FSBP: variants seen among roughly 807,000 people sequenced by gnomAD.
FSBP encodes fibrinogen silencer-binding protein.
FSBP carries 18 observed loss-of-function variants against 24.6 expected under a neutral mutation model. The observed-to-expected ratio is 0.73, with a 90% CI of 0.51 to 1.08. The LOEUF is 1.08. Ranked by LOEUF, FSBP falls within the 50% of genes least tolerant of loss-of-function variation. The pLI is 0.00. For missense variants in FSBP, 305 were observed against 347.6 expected (o/e 0.88, Z 0.98); for synonymous variants, 110 against 125.8 (o/e 0.87, Z 0.84).
chr8:94,431,888 G>A lies in FSBP; in HGVS notation c.*243C>T. ...TAGTGATCAGAATAAAATATCTTTT[G>A]TAAGGTCAACAATTAAACTTAGGGA... On this transcript the variant is annotated 3_prime_UTR_variant, in exon 2 of 2. Transcript: ENST00000481490. The A allele has an allele frequency of 8.5e-7, 1 of 1,170,758 alleles. No individual in the cohort carries two copies. The highest frequency in any genetic ancestry group is 1.1e-6 in the Non-Finnish European group (1 of 939,558). The allele number at this position is 1,170,758 out of a possible 1,614,324, so 72.5% of individuals were successfully genotyped here.
Position 94,436,933 on chromosome 8 carries a change from CTT to C in FSBP, c.-67_-66del, listed in dbSNP as rs1284754747. On this transcript the variant is annotated 5_prime_UTR_variant, in exon 1 of 2. Transcript: ENST00000481490. Reference sequence around the variant, plus strand: ...ATGCAGCCTTCAGCTCTGCTCAGCTCTTTTCACAAACAGAAAAAGATCAGGCT... The same window carrying C: ...ATGCAGCCTTCAGCTCTGCTCAGCTCTTCACAAACAGAAAAAGATCAGGCT... The C allele has an allele frequency of 2.1e-6, 3 of 1,455,704 alleles. No homozygotes were observed. The highest frequency in any genetic ancestry group is 2.7e-6 in the Non-Finnish European group (3 of 1,106,876). 90.2% of individuals were successfully genotyped at this position (1,455,704 alleles called of 1,614,324 possible).
rs1286297042 is a variant in FSBP, at chr8:94,432,010, T to C, written c.*121A>G. ...TAATTAGAAAATTATATCTAAAAAG[T>C]TTTTCCATAATAGAGATTAACAACA... is the stretch of plus-strand genomic sequence containing the variant. On this transcript the variant is annotated 3_prime_UTR_variant, in exon 2 of 2. Transcript: ENST00000481490. The C allele has an allele frequency of 2.3e-6, 3 of 1,313,558 alleles. No individual in the cohort carries two copies. The highest frequency in any genetic ancestry group is 1.5e-5 in the African/African-American group (1 of 65,868). 81.4% of individuals were successfully genotyped at this position (1,313,558 alleles called of 1,614,324 possible).
chr8:94,430,907 A>C lies in FSBP; in HGVS notation c.*1224T>G. ...ACTCTCTCTACATTCACTTAAAATC[A>C]ATGGCTTAGCACTGCATTTGTGCTT... On this transcript the variant is annotated 3_prime_UTR_variant, in exon 2 of 2. Coordinates refer to ENST00000481490, the MANE Select transcript of FSBP (RefSeq NM_001256141.2). The C allele has an allele frequency of 1.0e-6, 1 of 985,358 alleles. No individual in the cohort carries two copies. Among genetic ancestry groups the C allele is most frequent in the Non-Finnish European group, 1.2e-6 (1 of 829,916 alleles). The allele number at this position is 985,358 out of a possible 1,614,324, so 61.0% of individuals were successfully genotyped here. A position where few individuals can be genotyped will look rare whatever the true frequency, so the allele number is the denominator to read the frequency against.
intron 1 of FSBP, among the ~76,000 whole-genome samples, chr8:94,433,700 T>G (rs1464474448): frequency 6.6e-6 from 1 of 151,824 alleles, no homozygotes; most frequent in Non-Finnish European, 1.5e-5. Context: ...CTCCTTGAGG[T>G]TGTTTTTTTT....
chr8:94,432,705 A>C lies in FSBP; in HGVS notation c.375-49T>G, dbSNP rs147698302. On this transcript the variant is annotated intron_variant, in intron 1 of 1. Transcript: ENST00000481490. The stretch of plus-strand genomic sequence containing the variant: ...TAATATGTAAATCAAATGAAGAAAA[A>C]GTGTATATTTATAGCATAATTTTAA... 3.3e-5 allele frequency: 47 copies of C among 1,411,096 alleles called. No individual in the cohort carries two copies. In the African/African-American group the frequency reaches 6.1e-4, roughly 18 times the overall value. 87.4% of individuals were successfully genotyped at this position (1,411,096 alleles called of 1,614,324 possible). A position where few individuals can be genotyped will look rare whatever the true frequency, so the allele number is the denominator to read the frequency against.
rs916010550 is a variant in FSBP at position 94,431,668 on chromosome 8, G to C, written c.*463C>G. 1 of 976,898 alleles carries C rather than the reference G, an allele frequency of 1.0e-6. No individual in the cohort carries two copies. Among genetic ancestry groups the C allele is most frequent in the African/African-American group, 1.8e-5 (1 of 56,954 alleles). The allele number at this position is 976,898 out of a possible 1,614,324, so 60.5% of individuals were successfully genotyped here. ...AATATCTTCCATCTCTAAAATCCTA[G>C]GATTTACTCCTTCAAAAGATAAAAG... On this transcript the variant is annotated 3_prime_UTR_variant, in exon 2 of 2. Coordinates refer to ENST00000481490, the MANE Select transcript of FSBP (RefSeq NM_001256141.2).
chr8:94,432,620 A>T lies in FSBP; in HGVS notation c.411T>A (p.Ser137Arg). The T allele has an allele frequency of 6.5e-7, 1 of 1,548,964 alleles. No homozygotes were observed. The highest frequency in any genetic ancestry group is 8.7e-7 in the Non-Finnish European group (1 of 1,146,076). ...NLDEEAQAGT[S>R]SLQVMLDHHP... ...GGTGATCCAACATTACCTGTAGTGAACTGGTACCAGCCTGTGCCTCCTCAT... is the reference window on the plus strand; with the variant it reads ...GGTGATCCAACATTACCTGTAGTGATCTGGTACCAGCCTGTGCCTCCTCAT... The change falls in exon 2 of 2, where the codon AGT becomes AGA. Residue 137 changes from serine (S) to arginine (R), a missense_variant. Physicochemically the swap from Ser to Arg is moderately radical, Grantham distance 110 (BLOSUM62 -1). Transcript: ENST00000481490.
Position 94,436,599 on chromosome 8 carries a change from T to C in FSBP, c.270A>G (p.Gln90=), listed in dbSNP as rs779684040. 3 of 1,550,530 alleles carry C rather than the reference T, an allele frequency of 1.9e-6. No individual in the cohort carries two copies. The highest frequency in any genetic ancestry group is 2.4e-5 in the South Asian group (2 of 84,058). The part of the protein sequence containing the change: ...KQELLQQKET[Q]SDFKSNISEP... ...CAGAAATATTGCTTTTAAAATCTGA[T>C]TGGGTCTCTTTTTGCTGCAATAGCT... The change falls in exon 1 of 2, where the codon CAA becomes CAG. Residue 90 remains glutamine (Q), a synonymous_variant. Coordinates refer to ENST00000481490, the MANE Select transcript of FSBP (RefSeq NM_001256141.2).
Position 94,431,016 on chromosome 8 carries a change from C to G in FSBP, c.*1115G>C. 1.0e-6 allele frequency: 1 copy of G among 985,344 alleles called. No individual in the cohort carries two copies. Among genetic ancestry groups the G allele is most frequent in the South Asian group, 4.7e-5 (1 of 21,284 alleles). 61.0% of individuals were successfully genotyped at this position (985,344 alleles called of 1,614,324 possible). On this transcript the variant is annotated 3_prime_UTR_variant, in exon 2 of 2. Transcript: ENST00000481490. ...CTTCAAACACCCATGGTCCCCTTCA[C>G]TGCTGAAATTACACCCACCCCATTC...
chr8:94,436,346 T>C, intron 1 of FSBP, 149 bp downstream of exon 1: 2 of 1,086,820 alleles, frequency 1.8e-6, no homozygotes, highest in Non-Finnish European at 2.5e-6. Context: ...TAGCCTCACT[T>C]TTCTCTTTTT....
At position 94,432,663 on chromosome 8, in the gene FSBP, C is replaced by T. The variant is rs1363825380; in HGVS notation, c.375-7G>A. ...CTCCTCATCCAAGTTTGCACTATAGCACACAAAAAAGCATTATAATATGTA... is the reference window on the plus strand; with the variant it reads ...CTCCTCATCCAAGTTTGCACTATAGTACACAAAAAAGCATTATAATATGTA... On this transcript the variant is annotated splice_region_variant and splice_polypyrimidine_tract_variant and intron_variant, in intron 1 of 1. Transcript: ENST00000481490. 6.7e-7 allele frequency: 1 copy of T among 1,492,160 alleles called. No homozygotes were observed. Among genetic ancestry groups the T allele is most frequent in the South Asian group, 1.4e-5 (1 of 72,804 alleles). The allele number at this position is 1,492,160 out of a possible 1,614,324, so 92.4% of individuals were successfully genotyped here. A position where few individuals can be genotyped will look rare whatever the true frequency, so the allele number is the denominator to read the frequency against.
Position 94,428,695 on chromosome 8 carries a change from A to G in FSBP, c.*3436T>C. 2 of 906,630 alleles carry G rather than the reference A, an allele frequency of 2.2e-6. No homozygotes were observed. The highest frequency in any genetic ancestry group is 2.6e-6 in the Non-Finnish European group (2 of 758,158). The allele number at this position is 906,630 out of a possible 1,614,324, so 56.2% of individuals were successfully genotyped here. A position where few individuals can be genotyped will look rare whatever the true frequency, so the allele number is the denominator to read the frequency against. ...AATATTTTCAATCCACAGTAGTTCA[A>G]TCTGCAGATGTGAAACCTGCAGATA... On this transcript the variant is annotated 3_prime_UTR_variant, in exon 2 of 2. Transcript: ENST00000481490.
Position 94,432,490 on chromosome 8 carries a change from C to T in FSBP, c.541G>A (p.Glu181Lys), listed in dbSNP as rs1387218886. The T allele has an allele frequency of 6.4e-7, 1 of 1,550,576 alleles. No individual in the cohort carries two copies. The highest frequency in any genetic ancestry group is 1.2e-5 in the South Asian group (1 of 84,046). ...QQSDTLEQRE[E>K]HELVHVMERS... ...TCCATAACATGTACTAATTCATGTT[C>T]TTCTCTTTGCTCTAAAGTATCACTC... Residue 181 changes from glutamate (E) to lysine (K), a missense_variant, in exon 2 of 2, where the codon GAA becomes AAA. Glu to Lys is a moderately conservative substitution (Grantham distance 56, BLOSUM62 1). Coordinates refer to ENST00000481490, the MANE Select transcript of FSBP (RefSeq NM_001256141.2).
In FSBP at chr8:94,429,842, A is replaced by T. The variant is rs1456094156; in HGVS notation, c.*2289T>A. On this transcript the variant is annotated 3_prime_UTR_variant, in exon 2 of 2. Coordinates refer to ENST00000481490, the MANE Select transcript of FSBP (RefSeq NM_001256141.2). ...TAAGTAGTCAACATGCTAAAATAGT[A>T]CCTTGAGTTCATTTTTTTCTATTTC... 1 of 985,262 alleles carries T rather than the reference A, an allele frequency of 1.0e-6. No individual in the cohort carries two copies. The highest frequency in any genetic ancestry group is 1.7e-5 in the African/African-American group (1 of 57,220). The allele number at this position is 985,262 out of a possible 1,614,324, so 61.0% of individuals were successfully genotyped here.
chr8:94,436,842 A>G lies in FSBP; in HGVS notation c.27T>C (p.Asn9=), dbSNP rs1812277808. 6.5e-7 allele frequency: 1 copy of G among 1,540,284 alleles called. No individual in the cohort carries two copies. Among genetic ancestry groups the G allele is most frequent in the South Asian group, 1.2e-5 (1 of 81,982 alleles). ...AATCAAGCTTTTCGGATAAGGTAAAATTGGAAGATCTAGCCTTTCCTACCA... is the reference window on the plus strand; with the variant it reads ...AATCAAGCTTTTCGGATAAGGTAAAGTTGGAAGATCTAGCCTTTCCTACCA... MVGKARSS[N]FTLSEKLDLL... The change falls in exon 1 of 2, where the codon AAT becomes AAC. Residue 9 remains asparagine (N), a synonymous_variant. Coordinates refer to ENST00000481490, the MANE Select transcript of FSBP (RefSeq NM_001256141.2).
At position 94,431,892 on chromosome 8, in the gene FSBP, G is replaced by A; in HGVS notation, c.*239C>T. On this transcript the variant is annotated 3_prime_UTR_variant, in exon 2 of 2. Transcript: ENST00000481490. ...GATCAGAATAAAATATCTTTTGTAAGGTCAACAATTAAACTTAGGGAAAAA... is the reference window on the plus strand; with the variant it reads ...GATCAGAATAAAATATCTTTTGTAAAGTCAACAATTAAACTTAGGGAAAAA... The A allele has an allele frequency of 8.5e-7, 1 of 1,179,672 alleles. No individual in the cohort carries two copies. Among genetic ancestry groups the A allele is most frequent in the Non-Finnish European group, 1.1e-6 (1 of 945,444 alleles). The allele number at this position is 1,179,672 out of a possible 1,614,324, so 73.1% of individuals were successfully genotyped here. A position where few individuals can be genotyped will look rare whatever the true frequency, so the allele number is the denominator to read the frequency against.
At position 94,428,681 on chromosome 8, in the gene FSBP, T is replaced by C. The variant is rs1399932007; in HGVS notation, c.*3450A>G. 2 of 849,318 alleles carry C rather than the reference T, an allele frequency of 2.4e-6. No homozygotes were observed. The highest frequency in any genetic ancestry group is 2.8e-6 in the Non-Finnish European group (2 of 705,970). The allele number at this position is 849,318 out of a possible 1,614,324, so 52.6% of individuals were successfully genotyped here. ...TATTTTTCTGCCTGAATATTTTCAA[T>C]CCACAGTAGTTCAATCTGCAGATGT... is the stretch of plus-strand genomic sequence containing the variant. On this transcript the variant is annotated 3_prime_UTR_variant, in exon 2 of 2. Coordinates refer to ENST00000481490, the MANE Select transcript of FSBP (RefSeq NM_001256141.2).
At chr8:94,434,519 A>G (rs1812204468) in intron 1 of FSBP, among the ~76,000 whole-genome samples, 1 of 151,846 alleles carries the variant, frequency 6.6e-6, no homozygotes, top group African/African-American at 2.4e-5. Context: ...CAAAACAGGT[A>G]TATATTTTTA....
Position 94,429,671 on chromosome 8 carries a change from C to A in FSBP, c.*2460G>T. 2.0e-6 allele frequency: 2 copies of A among 983,532 alleles called. No homozygotes were observed. Among genetic ancestry groups the A allele is most frequent in the Non-Finnish European group, 2.4e-6 (2 of 828,330 alleles). The allele number at this position is 983,532 out of a possible 1,614,324, so 60.9% of individuals were successfully genotyped here. ...TAAGAATTACAAGATTCATTAGACT[C>A]AAAGAAAAGTCATAGCACAGATTAA... On this transcript the variant is annotated 3_prime_UTR_variant, in exon 2 of 2. Transcript: ENST00000481490.
Sources: allele counts gnomAD v4.1 joint callset (sites outside exome capture counted in the v4.1 genomes callset), GRCh38; gene constraint gnomAD v4.1.1; transcripts MANE v1.5; gene names NCBI Gene and HGNC (gene_info 2026-07-23, HGNC 2026-07-21).